PCDHGB4: variants seen among roughly 807,000 people sequenced by gnomAD.
PCDHGB4 encodes the protein protocadherin gamma subfamily B, 4.
PCDHGB4 carries 38 observed loss-of-function variants against 60.5 expected under a neutral mutation model. The ratio of observed to expected loss-of-function variants is 0.63; its 90% CI spans 0.48 to 0.82. The LOEUF (loss-of-function observed/expected upper bound fraction) is 0.82. Ranked by LOEUF, PCDHGB4 falls within the 40% of genes least tolerant of loss-of-function variation. PCDHGB4 has a pLI of 0.00. For synonymous variants in PCDHGB4, 456 were observed against 509.7 expected (o/e 0.89, Z 1.42); for missense variants, 1,109 against 1,209.6 (o/e 0.92, Z 1.23).
intron 1 of PCDHGB4, among the ~76,000 whole-genome samples, chr5:141,407,220 A>G (rs569421185): frequency 6.6e-6 from 1 of 152,342 alleles, no homozygotes; most frequent in East Asian, 1.9e-4. Context: ...TTAAGTGGGT[A>G]GCAAAAAAAA....
intron 1 of PCDHGB4, among the ~76,000 whole-genome samples, chr5:141,445,489 G>A (rs934531418): frequency 7.2e-5 from 11 of 152,188 alleles, no homozygotes; most frequent in Non-Finnish European, 1.3e-4. Context: ...GAGTTAATGG[G>A]CCCTATTCTA....
rs367905789 is a variant in PCDHGB4 at position 141,487,335 on chromosome 5, G to A, written c.2398-7472G>A. 11 of 1,614,064 alleles carry A rather than the reference G, an allele frequency of 6.8e-6. No individual in the cohort carries two copies. The highest frequency in any genetic ancestry group is 8.5e-6 in the Non-Finnish European group (10 of 1,180,044). Reference sequence around the variant, plus strand: ...TCTAAGTGTCTTCGTGGGGCAGCCTGTGGAGTCACATGCTTTCCTGCTGGC... The same window carrying A: ...TCTAAGTGTCTTCGTGGGGCAGCCTATGGAGTCACATGCTTTCCTGCTGGC... On this transcript the variant is annotated intron_variant, in intron 1 of 3. Transcript: ENST00000519479. This position sits in a 1 kb window ranked among gnomAD's most constrained non-coding sequence, Gnocchi z 5.0.
rs1225265096 is a variant in PCDHGB4 at position 141,490,666 on chromosome 5, G to A, written c.2398-4141G>A. Reference sequence around the variant, plus strand: ...GCCTCCGGGCTCCCTTCTTTGCACTGTGGCTGCCTCAGATCCAGACACTGG... The same window carrying A: ...GCCTCCGGGCTCCCTTCTTTGCACTATGGCTGCCTCAGATCCAGACACTGG... On this transcript the variant is annotated intron_variant, in intron 1 of 3. Coordinates refer to ENST00000519479, the MANE Select transcript of PCDHGB4 (RefSeq NM_003736.4). The surrounding 1 kb of genome is among the most constrained non-coding windows in gnomAD (Gnocchi z 5.4). The A allele has an allele frequency of 1.2e-6, 2 of 1,614,134 alleles. No homozygotes were observed. The highest frequency in any genetic ancestry group is 3.3e-5 in the Admixed American group (2 of 60,026).
chr5:141,394,136 C>G, intron 1 of PCDHGB4: 1 of 1,613,956 alleles, frequency 6.2e-7, no homozygotes, highest in Non-Finnish European at 8.5e-7. Flanking sequence ...TCGCTCTGCA[C>G]GTGGCAGACA....
Position 141,476,024 on chromosome 5 carries a change from C to T in PCDHGB4, c.2398-18783C>T. ...ATCCAGAAAGCCATGTCGGACTCGG[C>T]GCCCAGCGCCCAAGCGCTAACCCGC... On this transcript the variant is annotated intron_variant, in intron 1 of 3. Coordinates refer to ENST00000519479, the MANE Select transcript of PCDHGB4 (RefSeq NM_003736.4). The surrounding 1 kb of genome is among the most constrained non-coding windows in gnomAD (Gnocchi z 7.6). The T allele has an allele frequency of 1.4e-6, 2 of 1,416,548 alleles. No individual in the cohort carries two copies. Among genetic ancestry groups the T allele is most frequent in the Non-Finnish European group, 9.5e-7 (1 of 1,058,066 alleles). 87.7% of individuals were successfully genotyped at this position (1,416,548 alleles called of 1,614,324 possible).
chr5:141,455,104 G>T (rs2098813087), intron 1 of PCDHGB4, among the ~76,000 whole-genome samples: 1 of 151,780 alleles, frequency 6.6e-6, no homozygotes, highest in Non-Finnish European at 1.5e-5. Flanking sequence ...GAGCCACTGC[G>T]CCCGGTGGGT....
Position 141,477,337 on chromosome 5 carries a change from C to T in PCDHGB4, c.2398-17470C>T. ...TTACTTCTTCCCTCAAGAATTACTT[C>T]ACTTTGAAAACCAGTGCAGACCTGG... On this transcript the variant is annotated intron_variant, in intron 1 of 3. Transcript: ENST00000519479. The surrounding 1 kb of genome is among the most constrained non-coding windows in gnomAD (Gnocchi z 4.9). The T allele has an allele frequency of 1.2e-6, 2 of 1,614,166 alleles. No individual in the cohort carries two copies. Among genetic ancestry groups the T allele is most frequent in the Non-Finnish European group, 1.7e-6 (2 of 1,180,028 alleles).
intron 1 of PCDHGB4, chr5:141,415,889 T>C: frequency 2.1e-6 from 2 of 942,152 alleles, no homozygotes; most frequent in Non-Finnish European, 2.9e-6. Context: ...TATTGACAAT[T>C]CCTAAGACAG....
Position 141,438,593 on chromosome 5 carries a change from T to TAC in PCDHGB4, c.2397+48313_2397+48314insCA, listed in dbSNP as rs1414976871. Reference sequence around the variant, plus strand: ...TGATATACATACATACATACATACATATATATATATATATATATATATATA... The same window carrying TAC: ...TGATATACATACATACATACATACATACATATATATATATATATATATATATA... On this transcript the variant is annotated intron_variant, in intron 1 of 3. Transcript: ENST00000519479. Among the ~76,000 whole-genome samples the TAC allele has an allele frequency of 1.6e-3, 115 of 73,944 alleles. 1 individual carries two copies. The highest frequency in any genetic ancestry group is 2.9e-3 in the African/African-American group (63 of 21,786). The allele number at this position is 73,944 out of a possible 152,430, so 48.5% of individuals were successfully genotyped here. A position where few individuals can be genotyped will look rare whatever the true frequency, so the allele number is the denominator to read the frequency against.
chr5:141,388,825 C>G lies in PCDHGB4; in HGVS notation c.941C>G (p.Ser314Cys). ...TLDFEEVKEY[S>C]IVLEARDGGG... The stretch of plus-strand genomic sequence containing the variant: ...GATTTTGAAGAAGTCAAAGAATATT[C>G]CATAGTTTTGGAAGCAAGGGACGGT... The change falls in exon 1 of 4, where the codon TCC (serine) becomes TGC (cysteine). Residue 314 changes from serine to cysteine, a missense_variant. This residue lies in a region of PCDHGB4 where 1,068 missense variants were observed against 1,089.9 expected (regional missense o/e 0.98). Coordinates refer to ENST00000519479, the MANE Select transcript of PCDHGB4 (RefSeq NM_003736.4). The G allele has an allele frequency of 6.2e-7, 1 of 1,613,910 alleles. No homozygotes were observed. Among genetic ancestry groups the G allele is most frequent in the Non-Finnish European group, 8.5e-7 (1 of 1,179,846 alleles).
chr5:141,426,437 C>T (rs914971616), intron 1 of PCDHGB4: 6 of 300,546 alleles, frequency 2.0e-5, no homozygotes, highest in South Asian at 6.4e-5. Flanking sequence ...GGGAACCTTG[C>T]GGAGGACATG....
intron 1 of PCDHGB4, chr5:141,419,308 C>G: frequency 6.2e-7 from 1 of 1,614,026 alleles, no homozygotes; most frequent in Non-Finnish European, 8.5e-7. Flanking sequence ...ACTTCGGGCT[C>G]AACGGCCGTG....
At chr5:141,394,557 G>T in intron 1 of PCDHGB4, 1 of 1,614,082 alleles carries the variant, frequency 6.2e-7, no homozygotes, top group South Asian at 1.1e-5. Context: ...GCCCCGCTCC[G>T]CAGAGCGTGG....
At chr5:141,440,838 C>A (rs2098204954) in intron 1 of PCDHGB4, 1 of 152,102 alleles carries the variant, frequency 6.6e-6, no homozygotes, top group African/African-American at 2.4e-5. Context: ...TTGGTTGAAG[C>A]CAATGACAAC....
intron 1 of PCDHGB4, chr5:141,418,890 G>A (rs1449142412): frequency 1.9e-6 from 3 of 1,613,934 alleles, no homozygotes; most frequent in Non-Finnish European, 2.5e-6. Flanking sequence ...AACGACAACA[G>A]CCCAGAAATA....
chr5:141,489,211 A>G lies in PCDHGB4; in HGVS notation c.2398-5596A>G, dbSNP rs1206929838. On this transcript the variant is annotated intron_variant, in intron 1 of 3. Coordinates refer to ENST00000519479, the MANE Select transcript of PCDHGB4 (RefSeq NM_003736.4). This position sits in a 1 kb window ranked among gnomAD's most constrained non-coding sequence, Gnocchi z 4.5. The stretch of plus-strand genomic sequence containing the variant: ...CTACCTTGGAGACAGGACAGCACAG[A>G]CTTACTCTCCACAAAGGGACTTCTG... 2 of 1,462,498 alleles carry G rather than the reference A, an allele frequency of 1.4e-6. No individual in the cohort carries two copies. Among genetic ancestry groups the G allele is most frequent in the Non-Finnish European group, 1.8e-6 (2 of 1,081,560 alleles). The allele number at this position is 1,462,498 out of a possible 1,614,324, so 90.6% of individuals were successfully genotyped here. A position where few individuals can be genotyped will look rare whatever the true frequency, so the allele number is the denominator to read the frequency against.
rs756464724 is a variant in PCDHGB4, at chr5:141,478,476, A to T, written c.2398-16331A>T. The T allele has an allele frequency of 5.0e-6, 8 of 1,613,838 alleles. 1 individual carries two copies. The South Asian group carries it at 7.7e-5, about 16-fold the overall frequency. The stretch of plus-strand genomic sequence containing the variant: ...GCCAGTCCACTGGCCAGCCGCCAGA[A>T]CACGCTGCGGAGCTGTGATCCGGTG... On this transcript the variant is annotated intron_variant, in intron 1 of 3. Transcript: ENST00000519479.
chr5:141,457,416 C>T (rs1378171092), intron 1 of PCDHGB4, among the ~76,000 whole-genome samples: 1 of 152,172 alleles, frequency 6.6e-6, no homozygotes, highest in Non-Finnish European at 1.5e-5. Flanking sequence ...ATTACCCATC[C>T]CTTTTTCCCC....
Position 141,432,026 on chromosome 5 carries a change from A to G in PCDHGB4, c.2397+41745A>G, listed in dbSNP as rs1591124077. On this transcript the variant is annotated intron_variant, in intron 1 of 3. Coordinates refer to ENST00000519479, the MANE Select transcript of PCDHGB4 (RefSeq NM_003736.4). The surrounding 1 kb of genome is among the most constrained non-coding windows in gnomAD (Gnocchi z 6.0). ...GGTTCCTAGCTACAACATCACAGTG[A>G]CCGCCACTGACCGGGGAACCCCGCC... The G allele has an allele frequency of 1.9e-6, 3 of 1,614,152 alleles. 1 individual carries two copies. Among genetic ancestry groups the G allele is most frequent in the Middle Eastern group, 3.3e-4 (2 of 6,062 alleles).
Sources: gnomAD v4.1 joint callset for allele counts (sites outside exome capture counted in the v4.1 genomes callset) on GRCh38, gnomAD v4.1.1 for gene constraint, gnomAD v4.1.1 regional missense constraint, Gnocchi (gnomAD v3.1) non-coding constraint, MANE v1.5 for transcripts, NCBI Gene and HGNC (gene_info 2026-07-23, HGNC 2026-07-21) for gene names.